The following FERMT2 variants were observed in gnomAD, a reference collection of about 807,000 sequenced individuals.
FERMT2 encodes the protein FERM domain containing kindlin 2.
FERMT2 carries 15 observed loss-of-function variants against 82.7 expected under a neutral mutation model. That is an observed-to-expected ratio of 0.18 (90% CI 0.12 to 0.28). The LOEUF (loss-of-function observed/expected upper bound fraction) is 0.28, where lower values mean the gene tolerates loss of function less well. Among genes scored for constraint, FERMT2 ranks in the 10% least tolerant of loss-of-function variants. The pLI is 1.00. For synonymous variants in FERMT2, 274 were observed against 271.5 expected (o/e 1.01, Z -0.09); for missense variants, 645 against 809.4 (o/e 0.80, Z 2.46).
intron 1 of FERMT2, 150 bp downstream of exon 1, chr14:52,950,771 G>A: frequency 1.9e-6 from 1 of 519,780 alleles, no homozygotes; most frequent in Non-Finnish European, 3.3e-6. Context: ...GCGTTCCTCG[G>A]TCCCGGCGCC....
intron 3 of FERMT2, among the ~76,000 whole-genome samples, chr14:52,913,100 G>C (rs1018042643): frequency 6.6e-6 from 1 of 151,898 alleles, no homozygotes; most frequent in South Asian, 2.1e-4. Context: ...AACAACAAAC[G>C]ATTGCAAAAG....
At chr14:52,874,279 T>C in intron 8 of FERMT2, 53 bp from the exon 9 acceptor site, 2 of 1,121,790 alleles carry the variant, frequency 1.8e-6, no homozygotes, top group East Asian at 2.7e-5. Context: ...AAATTCTTTC[T>C]AATGTTTGGT....
intron 4 of FERMT2, among the ~76,000 whole-genome samples, chr14:52,890,100 A>G (rs1385918351): frequency 6.7e-6 from 1 of 149,572 alleles, no homozygotes; most frequent in East Asian, 2.0e-4. Context: ...AGCCTGGGTG[A>G]CACAGTGAGA....
intron 3 of FERMT2, among the ~76,000 whole-genome samples, chr14:52,899,464 A>C (rs1887496313): frequency 2.0e-5 from 3 of 152,180 alleles, no homozygotes; most frequent in African/African-American, 4.8e-5. Context: ...TTGTATTTTT[A>C]GTAGAGACAG....
At chr14:52,950,603 C>G (rs1566769112) in intron 1 of FERMT2, 26 bp from the exon 2 acceptor site, 7 of 1,607,854 alleles carry the variant, frequency 4.4e-6, no homozygotes, top group Non-Finnish European at 5.9e-6. Flanking sequence ...AAATGGCTCT[C>G]GTAAGCGTCA....
At chr14:52,929,080 C>T (rs1889443888) in intron 2 of FERMT2, among the ~76,000 whole-genome samples, 2 of 152,178 alleles carry the variant, frequency 1.3e-5, no homozygotes, top group Non-Finnish European at 2.9e-5. Context: ...CACATCTCTT[C>T]TTGATGTCCC....
intron 3 of FERMT2, among the ~76,000 whole-genome samples, chr14:52,895,632 T>C (rs1419412316): frequency 2.0e-5 from 3 of 152,166 alleles, no homozygotes; most frequent in Non-Finnish European, 2.9e-5. Context: ...AACAAATCCA[T>C]AGTGACAGAA....
At chr14:52,947,687 A>G (rs1369676483) in intron 2 of FERMT2, among the ~76,000 whole-genome samples, 1 of 152,146 alleles carries the variant, frequency 6.6e-6, no homozygotes, top group East Asian at 1.9e-4. Context: ...AAAATGCCGC[A>G]CTCTGGGATG....
intron 2 of FERMT2, among the ~76,000 whole-genome samples, chr14:52,933,150 C>T (rs80225395): frequency 0.014 from 2,094 of 152,212 alleles, 51 homozygotes; most frequent in African/African-American, 0.048. Flanking sequence ...GTAATCTAAT[C>T]CTTATATCTT....
chr14:52,861,196 T>C, intron 12 of FERMT2: 2 of 580,042 alleles, frequency 3.4e-6, no homozygotes, highest in South Asian at 5.0e-5. Context: ...CCAAGCAAAG[T>C]AAATGCAAGA....
intron 2 of FERMT2, among the ~76,000 whole-genome samples, chr14:52,929,957 A>G (rs548256271): frequency 4.6e-5 from 7 of 152,266 alleles, no homozygotes; most frequent in African/African-American, 1.7e-4. Context: ...AATATTTAAC[A>G]AATGAATTAA....
chr14:52,901,094 T>C (rs1887600617), intron 3 of FERMT2, among the ~76,000 whole-genome samples: 1 of 90,992 alleles, frequency 1.1e-5, no homozygotes, highest in Non-Finnish European at 2.1e-5. Context: ...CCCCGGTCTC[T>C]ACTAAAAATA....
intron 2 of FERMT2, among the ~76,000 whole-genome samples, chr14:52,926,346 T>C (rs527462991): frequency 1.1e-4 from 16 of 152,072 alleles, no homozygotes; most frequent in Non-Finnish European, 2.1e-4. Context: ...GACTATGTTC[T>C]AAATAAACAT....
chr14:52,928,029 C>A, intron 2 of FERMT2: 2 of 379,668 alleles, frequency 5.3e-6, no homozygotes, highest in Non-Finnish European at 5.4e-6. Context: ...CTTTTTCTTA[C>A]CTTAAGTAAC....
intron 4 of FERMT2, among the ~76,000 whole-genome samples, chr14:52,890,433 A>T (rs1229418917): frequency 1.4e-5 from 2 of 147,492 alleles, no homozygotes; most frequent in East Asian, 2.0e-4. Flanking sequence ...CGACAGAGTG[A>T]CACTCCGTCT....
At chr14:52,912,888 T>G (rs1440123323) in intron 3 of FERMT2, among the ~76,000 whole-genome samples, 1 of 152,218 alleles carries the variant, frequency 6.6e-6, no homozygotes, top group Non-Finnish European at 1.5e-5. Flanking sequence ...TTTTTTCCTC[T>G]TATTCATTCA....
intron 4 of FERMT2, among the ~76,000 whole-genome samples, chr14:52,890,273 T>A (rs376992583): frequency 6.6e-6 from 1 of 150,958 alleles, no homozygotes; most frequent in Non-Finnish European, 1.5e-5. Context: ...TGAAACCCCA[T>A]CTCTACTAAA....
chr14:52,894,602 C>CA (rs1362538869), intron 3 of FERMT2, among the ~76,000 whole-genome samples: 1 of 151,932 alleles, frequency 6.6e-6, no homozygotes, highest in Non-Finnish European at 1.5e-5. Context: ...AGAGGGCCCC[C>CA]AAAACAGACC....
At chr14:52,931,767 G>T (rs112822863) in intron 2 of FERMT2, among the ~76,000 whole-genome samples, 1 of 152,180 alleles carries the variant, frequency 6.6e-6, no homozygotes, top group African/African-American at 2.4e-5. Context: ...GGTGGCTCAC[G>T]CCTGTAATCC....
Sources: allele counts gnomAD v4.1 joint callset (sites outside exome capture counted in the v4.1 genomes callset), GRCh38; gene constraint gnomAD v4.1.1; transcripts MANE v1.5; gene names NCBI Gene and HGNC (gene_info 2026-07-23, HGNC 2026-07-21).